Variants in CCDC171 observed in about 807,000 individuals in gnomAD.
CCDC171 encodes the protein coiled-coil domain containing 171.
In CCDC171, 177 loss-of-function variants were observed where a neutral mutation model predicts 168.2. That is an observed-to-expected ratio of 1.05 (90% CI 0.93 to 1.19). CCDC171 has a LOEUF of 1.19. Among genes scored for constraint, CCDC171 ranks in the 50% most tolerant of loss-of-function variants. The pLI, the probability that CCDC171 is intolerant of heterozygous loss-of-function variation, is 0.00. For synonymous variants in CCDC171, 687 were observed against 540.8 expected (o/e 1.27, Z -3.75); for missense variants, 1,991 against 1,539.0 (o/e 1.29, Z -4.91).
At chr9:15,615,868 TC>T (rs2044043580) in intron 6 of CCDC171, among the ~76,000 whole-genome samples, 2 of 151,760 alleles carry the variant, frequency 1.3e-5, no homozygotes, top group Admixed American at 6.6e-5. Context: ...AGCCTCTGCC[TC>T]CTAGGCACAA....
intron 25 of CCDC171, among the ~76,000 whole-genome samples, chr9:15,936,737 G>A (rs145276959): frequency 3.3e-5 from 5 of 152,100 alleles, no homozygotes; most frequent in East Asian, 1.9e-4. Context: ...AAACTGTCCC[G>A]TCAAAATGTG....
At chr9:15,643,861 T>TA (rs2046829498) in intron 7 of CCDC171, among the ~76,000 whole-genome samples, 1 of 152,238 alleles carries the variant, frequency 6.6e-6, no homozygotes, top group African/African-American at 2.4e-5. Context: ...TTACTTTTTT[T>TA]ATATATGCTT....
At chr9:15,958,143 C>G (rs1829989532) in intron 25 of CCDC171, among the ~76,000 whole-genome samples, 1 of 151,992 alleles carries the variant, frequency 6.6e-6, no homozygotes, top group Admixed American at 6.6e-5. Context: ...TTCATTCATT[C>G]ATTCATTCCT....
intron 24 of CCDC171, among the ~76,000 whole-genome samples, chr9:15,897,101 G>C (rs1408258821): frequency 6.6e-6 from 1 of 151,940 alleles, no homozygotes; most frequent in African/African-American, 2.4e-5. Context: ...TTCAGAATTA[G>C]AATTTATGAG....
At chr9:15,678,645 CT>C (rs1213740146) in intron 9 of CCDC171, 112 bp from the exon 10 acceptor site, 1 of 802,154 alleles carries the variant, frequency 1.2e-6, no homozygotes, top group African/African-American at 1.8e-5. Context: ...CTTAAAAAGT[CT>C]TTTAGCATGA....
At chr9:15,597,815 A>G (rs1169089051) in intron 6 of CCDC171, among the ~76,000 whole-genome samples, 1 of 152,082 alleles carries the variant, frequency 6.6e-6, no homozygotes, top group East Asian at 1.9e-4. Flanking sequence ...TATTGCCTCA[A>G]TTTCAGAGCC....
chr9:15,639,316 A>T (rs1325615856), intron 7 of CCDC171, among the ~76,000 whole-genome samples: 2 of 152,090 alleles, frequency 1.3e-5, no homozygotes, highest in African/African-American at 4.8e-5. Context: ...GCAGCATTTT[A>T]TGTTTATAAT....
At chr9:15,858,303 G>A (rs561125955) in intron 23 of CCDC171, among the ~76,000 whole-genome samples, 6 of 152,202 alleles carry the variant, frequency 3.9e-5, no homozygotes, top group African/African-American at 1.4e-4. Flanking sequence ...ACAGGCATGA[G>A]CCACTGCATC....
intron 6 of CCDC171, among the ~76,000 whole-genome samples, chr9:16,029,028 C>T (rs992545120): frequency 3.3e-5 from 5 of 152,038 alleles, no homozygotes; most frequent in African/African-American, 1.2e-4. Flanking sequence ...CTCTTGGCCT[C>T]TTCTTCTGAA....
chr9:15,831,940 GGTGTTT>G (rs1199326319), intron 21 of CCDC171, among the ~76,000 whole-genome samples: 1 of 151,932 alleles, frequency 6.6e-6, no homozygotes, highest in Non-Finnish European at 1.5e-5. Flanking sequence ...ATAGTTAGAG[GGTGTTT>G]GAGTATTTTG....
At chr9:15,653,472 C>T (rs567670206) in intron 7 of CCDC171, among the ~76,000 whole-genome samples, 1 of 151,532 alleles carries the variant, frequency 6.6e-6, no homozygotes, top group South Asian at 2.1e-4. Context: ...ATAATGATAC[C>T]ATTGCCATAC....
chr9:15,913,822 T>A (rs998603193), intron 24 of CCDC171, among the ~76,000 whole-genome samples: 11 of 152,290 alleles, frequency 7.2e-5, no homozygotes, highest in Non-Finnish European at 8.8e-5. Flanking sequence ...CGGATGGAGT[T>A]TTTGCATGCT....
chr9:16,059,923 G>A (rs1029862644), intron 1 of CCDC171, among the ~76,000 whole-genome samples: 3 of 152,054 alleles, frequency 2.0e-5, no homozygotes, highest in Non-Finnish European at 4.4e-5. Context: ...TCAGAACTAC[G>A]CCAGTGTTTA....
At chr9:16,104,746 T>TTC in the CCDC171 span, among the ~76,000 whole-genome samples, 20 of 151,836 alleles carry the variant, frequency 1.3e-4, 1 homozygote, top group African/African-American at 3.4e-4. Context: ...TTTTTTTTTT[T>TTC]CATTCAAAAA....
At chr9:15,598,698 T>G (rs1317306101) in intron 6 of CCDC171, among the ~76,000 whole-genome samples, 1 of 152,172 alleles carries the variant, frequency 6.6e-6, no homozygotes. Context: ...AATTCCTGGA[T>G]ATCCTTGTTA....
At chr9:15,695,524 C>T (rs1022598193) in intron 11 of CCDC171, among the ~76,000 whole-genome samples, 187 bp downstream of exon 11, 1 of 152,156 alleles carries the variant, frequency 6.6e-6, no homozygotes, top group Non-Finnish European at 1.5e-5. Context: ...GAATATGGAC[C>T]TGCTGTTGTC....
chr9:15,879,812 C>A (rs1382953095), intron 24 of CCDC171, among the ~76,000 whole-genome samples: 1 of 152,002 alleles, frequency 6.6e-6, no homozygotes, highest in Non-Finnish European at 1.5e-5. Flanking sequence ...TCATTATTCT[C>A]TTTTTTCCCC....
chr9:15,640,804 C>A (rs754694426), intron 7 of CCDC171, among the ~76,000 whole-genome samples: 1 of 152,012 alleles, frequency 6.6e-6, no homozygotes, highest in Non-Finnish European at 1.5e-5. Context: ...GCCTGTTTTA[C>A]AAATACTTAT....
intron 5 of CCDC171, among the ~76,000 whole-genome samples, chr9:15,593,394 C>G (rs2042130094): frequency 6.6e-6 from 1 of 151,992 alleles, no homozygotes; most frequent in Non-Finnish European, 1.5e-5. Flanking sequence ...CTCAGAAAAC[C>G]CAAAAGGAAA....
Sources: allele counts gnomAD v4.1 joint callset (sites outside exome capture counted in the v4.1 genomes callset), GRCh38; gene constraint gnomAD v4.1.1; transcripts MANE v1.5; gene names NCBI Gene and HGNC (gene_info 2026-07-23, HGNC 2026-07-21).